Variants in ZZZ3 observed in about 807,000 individuals in gnomAD.
ZZZ3 encodes the protein ZZ-type zinc finger-containing protein 3.
In ZZZ3, 22 loss-of-function variants were observed where a neutral mutation model predicts 95.2. That is an observed-to-expected ratio of 0.23 (90% confidence interval 0.17 to 0.33). The LOEUF (loss-of-function observed/expected upper bound fraction) is 0.33. Among genes scored for constraint, ZZZ3 ranks in the 10% least tolerant of loss-of-function variants. ZZZ3 has a pLI of 1.00. For missense variants in ZZZ3, 885 were observed against 1,066.5 expected, an observed-to-expected ratio of 0.83 and a Z score of 2.37; for synonymous variants, 335 against 358.9, an observed-to-expected ratio of 0.93 and a Z score of 0.75.
Position 77,572,402 on chromosome 1 carries a change from G to A in ZZZ3, c.2331+3666C>T, listed in dbSNP as rs150014724. ...CTTCCAGGCTGGAGTGCAGTGGCAC[G>A]ATCTCGGCTCACTGCAAACCTCTGC... is the stretch of plus-strand genomic sequence containing the variant. On this transcript the variant is annotated intron_variant, in intron 12 of 14. Coordinates refer to ENST00000370801, the MANE Select transcript of ZZZ3 (RefSeq NM_015534.6). 3.9e-4 allele frequency among the ~76,000 whole-genome samples: 59 copies of A among 151,906 alleles called. 1 individual carries two copies. In the East Asian group the frequency reaches 9.9e-3, roughly 25 times the overall value.
chr1:77,630,453 G>A (rs72683661), intron 5 of ZZZ3, among the ~76,000 whole-genome samples: 1,872 of 152,012 alleles, frequency 0.012, 42 homozygotes, highest in South Asian at 0.1. Context: ...CTCAAGCCTG[G>A]GCAACAAGTG....
At chr1:77,571,282 G>GA (rs1393244751) in intron 12 of ZZZ3, among the ~76,000 whole-genome samples, 15 of 150,514 alleles carry the variant, frequency 1.0e-4, no homozygotes, top group Non-Finnish European at 1.6e-4. Context: ...GGCTACTACT[G>GA]AAAAAATAAA....
Position 77,670,259 on chromosome 1 carries a change from ATTT to A in ZZZ3, c.-403+12323_-403+12325del, listed in dbSNP as rs5775413. On this transcript the variant is annotated intron_variant, in intron 1 of 14. Coordinates refer to ENST00000370801, the MANE Select transcript of ZZZ3 (RefSeq NM_015534.6). Reference sequence around the variant, plus strand: ...ACTGTCCTTGAACATACAACATGCAATTTTTTTTTTTTTGGGGGGGGGCAGAGT... The same window carrying A: ...ACTGTCCTTGAACATACAACATGCAATTTTTTTTTTGGGGGGGGGCAGAGT... 9.0e-4 allele frequency among the ~76,000 whole-genome samples: 131 copies of A among 145,698 alleles called. 1 individual carries two copies. In the East Asian group the frequency reaches 0.016, roughly 18 times the overall value.
At chr1:77,570,314 G>A (rs1344006911) in intron 12 of ZZZ3, among the ~76,000 whole-genome samples, 3 of 151,956 alleles carry the variant, frequency 2.0e-5, no homozygotes, top group South Asian at 2.1e-4. Flanking sequence ...CGTGTTAGCC[G>A]GGATGGTCTC....
At chr1:77,653,747 C>CT (rs1233835464) in intron 1 of ZZZ3, among the ~76,000 whole-genome samples, 1 of 151,242 alleles carries the variant, frequency 6.6e-6, no homozygotes, top group Admixed American at 6.6e-5. Flanking sequence ...GATTGAAACT[C>CT]TGTCTCAAAA....
intron 9 of ZZZ3, chr1:77,580,228 T>A (rs2100548115): frequency 6.6e-6 from 1 of 152,398 alleles, no homozygotes; most frequent in East Asian, 1.9e-4. Flanking sequence ...GCTGTGGGGT[T>A]AATAGCCATA....
intron 1 of ZZZ3, among the ~76,000 whole-genome samples, chr1:77,680,161 G>A (rs1672621422): frequency 6.6e-6 from 1 of 152,130 alleles, no homozygotes; most frequent in Non-Finnish European, 1.5e-5. Flanking sequence ...CTAAAGTAAA[G>A]AATTCACAAG....
intron 5 of ZZZ3, among the ~76,000 whole-genome samples, chr1:77,586,871 G>C (rs1264182537): frequency 1.3e-5 from 2 of 152,152 alleles, no homozygotes; most frequent in Non-Finnish European, 2.9e-5. Flanking sequence ...CAAAACTGGG[G>C]TGACATCTAA....
At chr1:77,566,646 A>T (rs1660860581) in intron 13 of ZZZ3, among the ~76,000 whole-genome samples, 1 of 152,228 alleles carries the variant, frequency 6.6e-6, no homozygotes, top group Non-Finnish European at 1.5e-5. Context: ...ATTGATACAG[A>T]ATTGTTTTAG....
At chr1:77,679,022 A>T (rs1386247090) in intron 1 of ZZZ3, among the ~76,000 whole-genome samples, 1 of 152,210 alleles carries the variant, frequency 6.6e-6, no homozygotes, top group Non-Finnish European at 1.5e-5. Flanking sequence ...CTCTAATAAG[A>T]CAAAAATTAC....
chr1:77,644,167 G>C (rs895242483), intron 1 of ZZZ3, among the ~76,000 whole-genome samples: 4 of 151,960 alleles, frequency 2.6e-5, no homozygotes, highest in Non-Finnish European at 5.9e-5. Flanking sequence ...CTGGATTCAA[G>C]TGATTCTCCT....
At chr1:77,582,326 G>C (rs1401193887) in intron 6 of ZZZ3, among the ~76,000 whole-genome samples, 200 bp from the exon 7 acceptor site, 1 of 152,106 alleles carries the variant, frequency 6.6e-6, no homozygotes, top group Non-Finnish European at 1.5e-5. Flanking sequence ...GTAAAGAAAT[G>C]AATTTAGCAA....
chr1:77,639,553 A>G lies in ZZZ3; in HGVS notation c.-156T>C. The stretch of plus-strand genomic sequence containing the variant: ...AATGGAGCTTAAGCATCAGGGTTTC[A>G]GACTCTCTCAGCTTCAGCCATGAAG... On this transcript the variant is annotated 5_prime_UTR_variant, in exon 4 of 15. It removes the in-frame stop codon of an upstream open reading frame in the 5' UTR. Transcript: ENST00000370801. 3 of 1,088,962 alleles carry G rather than the reference A, an allele frequency of 2.8e-6. No individual in the cohort carries two copies. The highest frequency in any genetic ancestry group is 3.8e-6 in the Non-Finnish European group (3 of 795,396). 67.5% of individuals were successfully genotyped at this position (1,088,962 alleles called of 1,614,324 possible).
intron 5 of ZZZ3, among the ~76,000 whole-genome samples, chr1:77,592,056 C>G (rs1663756275): frequency 6.6e-6 from 1 of 151,986 alleles, no homozygotes; most frequent in Non-Finnish European, 1.5e-5. Flanking sequence ...CTCACTCCAG[C>G]CCCCAAGGAG....
At chr1:77,633,595 T>C (rs992730036) in intron 4 of ZZZ3, among the ~76,000 whole-genome samples, 190 bp from the exon 5 acceptor site, 7 of 152,204 alleles carry the variant, frequency 4.6e-5, no homozygotes, top group African/African-American at 1.7e-4. Context: ...AAATTATAGC[T>C]AACAAGCATA....
intron 6 of ZZZ3, 142 bp from the exon 7 acceptor site, chr1:77,582,268 A>T: frequency 1.5e-6 from 1 of 654,678 alleles, no homozygotes; most frequent in Non-Finnish European, 2.4e-6. Flanking sequence ...TCCAAGAGAC[A>T]ATAAAGTTAA....
At chr1:77,653,693 C>T (rs1454867801) in intron 1 of ZZZ3, among the ~76,000 whole-genome samples, 8 of 151,954 alleles carry the variant, frequency 5.3e-5, no homozygotes, top group African/African-American at 1.2e-4. Context: ...GCGGAGGTTG[C>T]GGTGAGCCTA....
chr1:77,644,822 ACAAATG>A (rs1208324161), intron 1 of ZZZ3, among the ~76,000 whole-genome samples: 1 of 152,252 alleles, frequency 6.6e-6, no homozygotes, highest in Non-Finnish European at 1.5e-5. Flanking sequence ...AGGCCTGAAG[ACAAATG>A]CATAAATTTT....
chr1:77,668,316 CA>C (rs1671435003), intron 1 of ZZZ3, among the ~76,000 whole-genome samples: 1 of 152,124 alleles, frequency 6.6e-6, no homozygotes, highest in Non-Finnish European at 1.5e-5. Flanking sequence ...TCCAAGACAG[CA>C]TAGAATGATC....
Sources: allele counts gnomAD v4.1 joint callset (sites outside exome capture counted in the v4.1 genomes callset), GRCh38; gene constraint gnomAD v4.1.1; transcripts MANE v1.5; gene names NCBI Gene and HGNC (gene_info 2026-07-23, HGNC 2026-07-21).